Variants in DZANK1 observed in about 807,000 individuals in gnomAD.
The protein encoded by DZANK1 is double zinc ribbon and ankyrin repeat-containing protein 1.
A neutral mutation model predicts 94.5 loss-of-function variants in DZANK1; 91 were observed. The ratio of observed to expected loss-of-function variants is 0.96; its 90% CI spans 0.81 to 1.15. The LOEUF (loss-of-function observed/expected upper bound fraction) is 1.15, where lower values mean the gene tolerates loss of function less well. Among genes scored for constraint, DZANK1 ranks in the 50% most tolerant of loss-of-function variants. The pLI is 0.00. For synonymous variants in DZANK1, 312 were observed against 325.3 expected (o/e 0.96, Z 0.44); for missense variants, 903 against 916.4 (o/e 0.99, Z 0.19).
chr20:18,430,779 A>G (rs1302082767), intron 9 of DZANK1, among the ~76,000 whole-genome samples: 1 of 152,194 alleles, frequency 6.6e-6, no homozygotes, highest in East Asian at 1.9e-4. Context: ...GTGCCACTGC[A>G]CTCCAGCCTA....
intron 12 of DZANK1, 119 bp downstream of exon 12, chr20:18,414,229 A>G (rs1002944866): frequency 2.5e-6 from 3 of 1,182,052 alleles, no homozygotes; most frequent in African/African-American, 1.5e-5. Context: ...TTGAAATTCC[A>G]TGTGAAAGTT....
At chr20:18,410,653 C>T (rs1200073875) in intron 13 of DZANK1, among the ~76,000 whole-genome samples, 1 of 151,884 alleles carries the variant, frequency 6.6e-6, no homozygotes, top group African/African-American at 2.4e-5. Flanking sequence ...GACAAAAAAC[C>T]CTGATTCATG....
chr20:18,389,680 C>T, intron 19 of DZANK1, 21 bp downstream of exon 19: 5 of 1,613,182 alleles, frequency 3.1e-6, no homozygotes, highest in Non-Finnish European at 4.2e-6. Flanking sequence ...CTTAGCTCTC[C>T]TTTCAATGTG....
At chr20:18,455,432 T>G in intron 3 of DZANK1, 71 bp from the exon 4 acceptor site, 1 of 1,045,522 alleles carries the variant, frequency 9.6e-7, no homozygotes, top group South Asian at 1.5e-5. Context: ...GCTAACAAGA[T>G]GATTTTATTA....
exon 21 of DZANK1, chr20:18,384,348 T>A: frequency 3.9e-6 from 6 of 1,538,492 alleles, no homozygotes; most frequent in Non-Finnish European, 5.3e-6. Flanking sequence ...CGTAAGCCAC[T>A]GTGCCAGCCA....
intron 17 of DZANK1, among the ~76,000 whole-genome samples, chr20:18,393,305 G>A (rs534982928): frequency 6.6e-6 from 1 of 152,270 alleles, no homozygotes; most frequent in East Asian, 1.9e-4. Context: ...CTCCAGGGAC[G>A]TCTGTCCACG....
chr20:18,449,036 A>G, exon 7 of DZANK1: 1 of 1,613,908 alleles, frequency 6.2e-7, no homozygotes, highest in Non-Finnish European at 8.5e-7. Flanking sequence ...CTTGTCAAAC[A>G]CTTCTGACCG....
rs776596732 is a variant in DZANK1 at position 18,389,739 on chromosome 20, G to A, written c.1980C>T (p.Leu660=). Residue 660 remains leucine, a synonymous_variant, in exon 19 of 21, where the codon CTC becomes CTT. Transcript: ENST00000262547. ...GGTCGATGTCTGCTCCTCTCTGCAC[G>A]AGAACTGGAATCGCTTCATGGTGCT... The A allele has an allele frequency of 1.7e-5, 28 of 1,613,808 alleles. No individual in the cohort carries two copies. The East Asian group carries it at 1.8e-4, about 10-fold the overall frequency.
intron 19 of DZANK1, among the ~76,000 whole-genome samples, chr20:18,386,098 C>T (rs965689616): frequency 3.9e-5 from 6 of 152,206 alleles, no homozygotes; most frequent in Non-Finnish European, 8.8e-5. Flanking sequence ...ACGCCATCAC[C>T]CTCATCCTCC....
chr20:18,396,757 T>C (rs1039183023), intron 14 of DZANK1, among the ~76,000 whole-genome samples: 2 of 152,238 alleles, frequency 1.3e-5, no homozygotes, highest in Non-Finnish European at 2.9e-5. Context: ...AATCCAACCA[T>C]ATCTAAACTC....
At chr20:18,430,515 T>C (rs988632943) in intron 9 of DZANK1, among the ~76,000 whole-genome samples, 1 of 152,232 alleles carries the variant, frequency 6.6e-6, no homozygotes, top group South Asian at 2.1e-4. Context: ...TTTTCAACTT[T>C]AGAAAACGGC....
intron 6 of DZANK1, chr20:18,451,850 T>C (rs761020888): frequency 1.9e-6 from 1 of 518,182 alleles, no homozygotes; most frequent in South Asian, 1.4e-5. Context: ...CCATCATTTC[T>C]CACCTGGAAC....
rs377089213 is a variant in DZANK1, at chr20:18,454,930, C to G, written c.378+317G>C. Among the ~76,000 whole-genome samples the G allele has an allele frequency of 2.3e-4, 35 of 152,304 alleles. No individual in the cohort carries two copies. In the East Asian group the frequency reaches 3.9e-3, roughly 17 times the overall value. ...TAGGGGGTTGACAGACCAGGAAAAG[C>G]TGACCAAGGGCAGAAACTGATGACT... On this transcript the variant is annotated intron_variant, in intron 4 of 20. Coordinates refer to ENST00000262547, the Ensembl canonical transcript of DZANK1.
intron 2 of DZANK1, 48 bp from the exon 3 acceptor site, chr20:18,460,354 G>A: frequency 7.3e-7 from 1 of 1,373,432 alleles, no homozygotes; most frequent in Non-Finnish European, 9.8e-7. Context: ...AAAGTAGCAA[G>A]TCCCTGAATA....
chr20:18,452,559 A>C, intron 6 of DZANK1, 56 bp downstream of exon 6: 1 of 1,522,888 alleles, frequency 6.6e-7, no homozygotes, highest in Non-Finnish European at 8.8e-7. Flanking sequence ...ATTTCATGGG[A>C]GCATTAAAAA....
rs535532824 is a variant in DZANK1 at position 18,417,919 on chromosome 20, C to T, written c.955-2470G>A. ...TGGCCAACACGGTGAAACACCATGT[C>T]TACTAAAAATACAAACATTAGCCGG... On this transcript the variant is annotated intron_variant, in intron 10 of 20. Coordinates refer to ENST00000262547, the Ensembl canonical transcript of DZANK1. Among the ~76,000 whole-genome samples the T allele has an allele frequency of 5.3e-5, 8 of 152,110 alleles. No homozygotes were observed. The East Asian group carries it at 1.6e-3, about 30-fold the overall frequency.
chr20:18,404,487 G>T (rs2056853185), intron 13 of DZANK1, among the ~76,000 whole-genome samples: 1 of 152,096 alleles, frequency 6.6e-6, no homozygotes. Context: ...TCACTAAAAT[G>T]AACAGACAAA....
intron 8 of DZANK1, among the ~76,000 whole-genome samples, chr20:18,440,314 T>C (rs763545272): frequency 1.3e-5 from 2 of 152,194 alleles, no homozygotes; most frequent in Non-Finnish European, 2.9e-5. Context: ...AGGCCAAGCT[T>C]TAAGCAGTCA....
chr20:18,432,042 A>G (rs2058307218), intron 9 of DZANK1, among the ~76,000 whole-genome samples: 1 of 152,214 alleles, frequency 6.6e-6, no homozygotes, highest in Non-Finnish European at 1.5e-5. Flanking sequence ...GCTGCTTATC[A>G]CTGTAGAAGT....
Sources: gnomAD v4.1 joint callset for allele counts (sites outside exome capture counted in the v4.1 genomes callset) on GRCh38, gnomAD v4.1.1 for gene constraint, MANE v1.5 for transcripts, NCBI Gene and HGNC (gene_info 2026-07-23, HGNC 2026-07-21) for gene names.